RARS2: variants seen among roughly 807,000 people sequenced by gnomAD.
The protein encoded by RARS2 is probable arginine--tRNA ligase, mitochondrial.
A neutral mutation model predicts 88.5 loss-of-function variants in RARS2; 67 were observed. The observed-to-expected ratio is 0.76, with a 90% CI of 0.62 to 0.93. RARS2 has a LOEUF of 0.93. Among genes scored for constraint, RARS2 ranks in the 40% least tolerant of loss-of-function variants. RARS2 has a pLI of 0.00. For synonymous variants in RARS2, 239 were observed against 230.3 expected (o/e 1.04, Z -0.34); for missense variants, 664 against 684.2 (o/e 0.97, Z 0.33).
intron 9 of RARS2, 42 bp from the exon 10 acceptor site, chr6:87,529,690 G>C: frequency 7.1e-7 from 1 of 1,409,354 alleles, no homozygotes; most frequent in Non-Finnish European, 1.0e-6. Flanking sequence ...AATGTTAATT[G>C]AATCTCCTAT....
intron 2 of RARS2, among the ~76,000 whole-genome samples, chr6:87,567,961 C>T (rs149271261): frequency 0.016 from 2,371 of 152,104 alleles, 59 homozygotes; most frequent in African/African-American, 0.053. Context: ...CTAGTAGAGA[C>T]GGGGTTTCAC....
intron 1 of RARS2, among the ~76,000 whole-genome samples, chr6:87,582,291 T>C (rs924520087): frequency 6.6e-6 from 1 of 152,222 alleles, no homozygotes; most frequent in African/African-American, 2.4e-5. Context: ...TTTTTAATGA[T>C]CACCATTCTG....
At chr6:87,520,404 A>C in intron 12 of RARS2, 148 bp from the exon 13 acceptor site, 1 of 669,314 alleles carries the variant, frequency 1.5e-6, no homozygotes. Flanking sequence ...AGAGGATGCC[A>C]CAAGAAGAGT....
intron 8 of RARS2, among the ~76,000 whole-genome samples, chr6:87,532,214 CTT>C (rs35516206): frequency 2.0e-5 from 3 of 151,510 alleles, no homozygotes; most frequent in Admixed American, 1.3e-4. Flanking sequence ...TTAAAATTAC[CTT>C]TTTTTTTCCC....
At chr6:87,548,952 G>A (rs1783480523) in intron 5 of RARS2, among the ~76,000 whole-genome samples, 1 of 152,184 alleles carries the variant, frequency 6.6e-6, no homozygotes, top group Non-Finnish European at 1.5e-5. Context: ...AATGGCTCAT[G>A]CCTGTAATCT....
In RARS2 at chr6:87,535,079, G is replaced by A. The variant is rs16879528; in HGVS notation, c.613-4137C>T. On this transcript the variant is annotated intron_variant, in intron 8 of 19. Transcript: ENST00000369536. The stretch of plus-strand genomic sequence containing the variant: ...CAATGACTTACACTGACTCTTACAA[G>A]TGATAGCTGGAATCAGATTTTCTTA... 0.064 allele frequency among the ~76,000 whole-genome samples: 9,685 copies of A among 152,040 alleles called. 388 individuals are homozygous for A. The highest frequency in any genetic ancestry group is 0.12 in the African/African-American group (4,846 of 41,384).
intron 8 of RARS2, among the ~76,000 whole-genome samples, chr6:87,541,271 G>A (rs914498880): frequency 6.6e-6 from 1 of 152,074 alleles, no homozygotes; most frequent in Non-Finnish European, 1.5e-5. Flanking sequence ...TGAACCCCTG[G>A]GGTCTAGCAA....
chr6:87,545,500 A>T, intron 7 of RARS2, 116 bp downstream of exon 7: 2 of 1,317,272 alleles, frequency 1.5e-6, no homozygotes, highest in Non-Finnish European at 2.1e-6. Context: ...AAAAAAAAAA[A>T]TAGGTAGGAC....
chr6:87,575,070 G>GAC (rs1433711202), intron 1 of RARS2, among the ~76,000 whole-genome samples: 1 of 90,832 alleles, frequency 1.1e-5, no homozygotes, highest in South Asian at 3.3e-4. Context: ...CAGTCATAAG[G>GAC]ATAGAGACAA....
At chr6:87,524,407 T>C (rs961669592) in intron 11 of RARS2, 150 bp downstream of exon 11, 10 of 708,504 alleles carry the variant, frequency 1.4e-5, no homozygotes, top group East Asian at 8.0e-5. Context: ...TAAAATACTT[T>C]TAGTTGATTA....
In RARS2 at chr6:87,569,787, T is replaced by G. The variant is rs565489014; in HGVS notation, c.37-197A>C. On this transcript the variant is annotated intron_variant, in intron 1 of 19. Coordinates refer to ENST00000369536, the MANE Select transcript of RARS2 (RefSeq NM_020320.5). ...TTTGACCCTCTGGAAAACCCAAAAT[T>G]CTAAGGATGAAGAATAAATCTGTGG... 2.6e-5 allele frequency among the ~76,000 whole-genome samples: 4 copies of G among 151,898 alleles called. No homozygotes were observed. The East Asian group carries it at 7.8e-4, about 29-fold the overall frequency.
chr6:87,575,275 AC>A (rs1376351173), intron 1 of RARS2, among the ~76,000 whole-genome samples: 9 of 140,324 alleles, frequency 6.4e-5, no homozygotes, highest in Admixed American at 3.6e-4. Context: ...ACACACACAC[AC>A]ACCTTGGCTT....
chr6:87,579,321 A>G (rs1772645322), intron 1 of RARS2, among the ~76,000 whole-genome samples: 1 of 152,204 alleles, frequency 6.6e-6, no homozygotes, highest in Non-Finnish European at 1.5e-5. Context: ...TCTGGGCAGA[A>G]GGATGTAAAA....
intron 1 of RARS2, among the ~76,000 whole-genome samples, chr6:87,575,003 A>C (rs1230626499): frequency 6.6e-6 from 1 of 152,080 alleles, no homozygotes; most frequent in Non-Finnish European, 1.5e-5. Flanking sequence ...AAGAATGAAG[A>C]CTAGCAAACA....
intron 1 of RARS2, among the ~76,000 whole-genome samples, chr6:87,588,145 TCTTTA>T (rs920458729): frequency 6.6e-6 from 1 of 152,196 alleles, no homozygotes; most frequent in African/African-American, 2.4e-5. Context: ...CATGGCACTA[TCTTTA>T]CTTAAGGGCT....
chr6:87,547,478 C>T (rs1302280499), intron 6 of RARS2, among the ~76,000 whole-genome samples: 3 of 152,152 alleles, frequency 2.0e-5, no homozygotes, highest in Non-Finnish European at 4.4e-5. Flanking sequence ...TTGAGATAAA[C>T]TCCAAAGTCC....
intron 11 of RARS2, among the ~76,000 whole-genome samples, chr6:87,522,333 T>TAAAAAAAAAAAAAA (rs34710568): frequency 1.1e-5 from 1 of 88,724 alleles, no homozygotes; most frequent in Non-Finnish European, 2.1e-5. Context: ...CCGTCTCAAT[T>TAAAAAAAAAAAAAA]AAAAAAAAAA....
At chr6:87,514,595 A>G (rs1000022182) in intron 19 of RARS2, 96 bp from the exon 20 acceptor site, 10 of 1,105,180 alleles carry the variant, frequency 9.0e-6, no homozygotes, top group Non-Finnish European at 1.4e-5. Flanking sequence ...TCTAGTTTAA[A>G]GCAGGAACAA....
At chr6:87,549,462 G>A (rs1364395202) in intron 5 of RARS2, among the ~76,000 whole-genome samples, 3 of 151,792 alleles carry the variant, frequency 2.0e-5, no homozygotes, top group South Asian at 2.1e-4. Context: ...AAAGTAGAAC[G>A]GTAGCTTGGG....
Sources: gnomAD v4.1 joint callset for allele counts (sites outside exome capture counted in the v4.1 genomes callset) on GRCh38, gnomAD v4.1.1 for gene constraint, MANE v1.5 for transcripts, NCBI Gene and HGNC (gene_info 2026-07-23, HGNC 2026-07-21) for gene names.